SYAP1: variants seen among roughly 807,000 people sequenced by gnomAD.
SYAP1 encodes synapse-associated protein 1.
Under a neutral mutation model 29.6 loss-of-function variants are expected in SYAP1, and 3 were observed. The ratio of observed to expected loss-of-function variants is 0.10; its 90% CI spans 0.05 to 0.26. The LOEUF is 0.26. Ranked by LOEUF, SYAP1 falls within the 10% of genes least tolerant of loss-of-function variation. The pLI, the probability that SYAP1 is intolerant of heterozygous loss-of-function variation, is 1.00. For synonymous variants in SYAP1, 102 were observed against 102.7 expected, an observed-to-expected ratio of 0.99 and a Z score of 0.04; for missense variants, 217 against 264.1, an observed-to-expected ratio of 0.82 and a Z score of 1.24.
intron 6 of SYAP1, 77 bp downstream of exon 6, chrX:16,755,170 G>A (rs1451446998): frequency 7.8e-6 from 8 of 1,021,626 alleles, no homozygotes; most frequent in East Asian, 3.1e-5. Flanking sequence ...CCTCTTATAC[G>A]TACCAGAAAT....
At chrX:16,734,034 T>G (rs750079262) in intron 1 of SYAP1, among the ~76,000 whole-genome samples, 1 of 111,369 alleles carries the variant, frequency 9.0e-6, no homozygotes, top group African/African-American at 3.3e-5. Flanking sequence ...ACTGGAAGTT[T>G]TATGGGTTCC....
intron 5 of SYAP1, among the ~76,000 whole-genome samples, 186 bp from the exon 6 acceptor site, chrX:16,754,759 C>A (rs1015745616): frequency 9.0e-6 from 1 of 110,719 alleles, no homozygotes; most frequent in African/African-American, 3.3e-5. Flanking sequence ...CCAATATGAA[C>A]CCCCTCTGAA....
At chrX:16,740,295 G>A (rs760778021) in intron 3 of SYAP1, among the ~76,000 whole-genome samples, 1 of 109,098 alleles carries the variant, frequency 9.2e-6, no homozygotes, top group Non-Finnish European at 1.9e-5. Context: ...GGCTTATTGA[G>A]GATTTGATTC....
chrX:16,746,125 T>C (rs1926595773), intron 5 of SYAP1, among the ~76,000 whole-genome samples: 1 of 101,217 alleles, frequency 9.9e-6, no homozygotes, highest in Non-Finnish European at 2.0e-5. Context: ...ATATTAGTGG[T>C]AAATTTCTAG....
intron 5 of SYAP1, among the ~76,000 whole-genome samples, chrX:16,753,919 T>G (rs1569252647): frequency 9.0e-6 from 1 of 110,880 alleles, no homozygotes; most frequent in Non-Finnish European, 1.9e-5. Flanking sequence ...TCAAACACCC[T>G]TCTCTCCCTG....
At chrX:16,738,746 A>C (rs189072505) in intron 3 of SYAP1, among the ~76,000 whole-genome samples, 12 of 112,223 alleles carry the variant, frequency 1.1e-4, no homozygotes, top group Admixed American at 1.9e-4. Context: ...GCAGAAGCCC[A>C]GAGAGGGGAG....
intron 5 of SYAP1, among the ~76,000 whole-genome samples, chrX:16,746,070 T>C (rs1177301471): frequency 9.3e-6 from 1 of 108,069 alleles, no homozygotes; most frequent in African/African-American, 3.4e-5. Flanking sequence ...TTATATGGAA[T>C]CTTTTTTTCT....
intron 6 of SYAP1, 47 bp downstream of exon 6, chrX:16,755,140 A>G (rs781496331): frequency 8.6e-7 from 1 of 1,166,026 alleles, no homozygotes; most frequent in South Asian, 1.8e-5. Flanking sequence ...AGTTGTTCTT[A>G]GAGACTCAAA....
chrX:16,746,155 A>C, intron 5 of SYAP1, among the ~76,000 whole-genome samples: 1 of 90,995 alleles, frequency 1.1e-5, no homozygotes, highest in African/African-American at 4.1e-5. Context: ...CAACCCTCCC[A>C]TAAGAAAAGT....
intron 1 of SYAP1, among the ~76,000 whole-genome samples, chrX:16,723,196 A>G (rs1926003070): frequency 8.9e-6 from 1 of 111,945 alleles, no homozygotes; most frequent in Non-Finnish European, 1.9e-5. Context: ...CCTAACTTGC[A>G]AACTAAGAGG....
chrX:16,742,632 TAA>T (rs1926494639), intron 4 of SYAP1, among the ~76,000 whole-genome samples: 1 of 112,266 alleles, frequency 8.9e-6, no homozygotes, highest in African/African-American at 3.2e-5. Context: ...GTTTTTGTTT[TAA>T]GAGACACAGT....
chrX:16,736,700 G>A (rs1051264345), intron 3 of SYAP1, among the ~76,000 whole-genome samples: 2 of 111,649 alleles, frequency 1.8e-5, no homozygotes, highest in Non-Finnish European at 3.8e-5. Context: ...TAGTAGAAAC[G>A]GGGTTTTACC....
intron 5 of SYAP1, among the ~76,000 whole-genome samples, chrX:16,750,823 G>A (rs1380132112): frequency 9.7e-6 from 1 of 102,889 alleles, no homozygotes; most frequent in Non-Finnish European, 2.0e-5. Context: ...GCTGGAGTGC[G>A]ATGGCGCCAT....
At chrX:16,737,993 AGT>A (rs1926366972) in intron 3 of SYAP1, among the ~76,000 whole-genome samples, 1 of 111,697 alleles carries the variant, frequency 9.0e-6, no homozygotes, top group Non-Finnish European at 1.9e-5. Context: ...CTCTATGGAA[AGT>A]GTGTCAAGCA....
At chrX:16,726,511 T>C (rs1310434958) in intron 1 of SYAP1, among the ~76,000 whole-genome samples, 1 of 111,296 alleles carries the variant, frequency 9.0e-6, no homozygotes, top group Non-Finnish European at 1.9e-5. Flanking sequence ...CATCCCAGCC[T>C]TTGTATAAGG....
chrX:16,727,315 TTCCATAGAAGGA>T, intron 1 of SYAP1, among the ~76,000 whole-genome samples: 1 of 107,347 alleles, frequency 9.3e-6, no homozygotes. Flanking sequence ...TGGAACTTTG[TTCCATAGAAGGA>T]ATCTGAGATA....
chrX:16,728,548 C>G (rs1164140578), intron 1 of SYAP1, among the ~76,000 whole-genome samples: 6 of 110,288 alleles, frequency 5.4e-5, no homozygotes, highest in African/African-American at 2.0e-4. Context: ...ACCTGTAATC[C>G]CAGCTACTTG....
At chrX:16,736,066 T>C (rs995920726) in intron 2 of SYAP1, 100 bp from the exon 3 acceptor site, 9 of 557,428 alleles carry the variant, frequency 1.6e-5, no homozygotes, top group African/African-American at 9.1e-5. Context: ...AGTGGGCCTA[T>C]GGCATTTCAT....
rs191948948 is a variant in SYAP1, at chrX:16,750,644, A to G, written c.576-4301A>G. The stretch of plus-strand genomic sequence containing the variant: ...ATTTTGCCTCTATCACTTACATGCT[A>G]GCTTCCAGGCCTAGCTTCTCCATTC... On this transcript the variant is annotated intron_variant, in intron 5 of 8. Transcript: ENST00000380155. Among the ~76,000 whole-genome samples the G allele has an allele frequency of 2.7e-4, 30 of 110,770 alleles. No individual in the cohort carries two copies. In the South Asian group the frequency reaches 3.8e-3, roughly 14 times the overall value.
Sources: allele counts gnomAD v4.1 joint callset (sites outside exome capture counted in the v4.1 genomes callset), GRCh38; gene constraint gnomAD v4.1.1; transcripts MANE v1.5; gene names NCBI Gene and HGNC (gene_info 2026-07-23, HGNC 2026-07-21).